Variants in RAP1GDS1 observed in about 807,000 individuals in gnomAD.
RAP1GDS1 encodes the protein Rap1 GTPase-GDP dissociation stimulator 1.
RAP1GDS1 carries 35 observed loss-of-function variants against 71.1 expected under a neutral mutation model. That is an observed-to-expected ratio of 0.49 (90% confidence interval 0.38 to 0.65). RAP1GDS1 has a LOEUF of 0.65. Among genes scored for constraint, RAP1GDS1 ranks in the 30% least tolerant of loss-of-function variants. The pLI is 0.00. For missense variants in RAP1GDS1, 663 were observed against 706.1 expected (o/e 0.94, Z 0.69); for synonymous variants, 229 against 243.1 (o/e 0.94, Z 0.54).
intron 4 of RAP1GDS1, among the ~76,000 whole-genome samples, chr4:98,374,314 T>G (rs542952260): frequency 6.6e-6 from 1 of 152,334 alleles, no homozygotes; most frequent in East Asian, 1.9e-4. Context: ...AATAATTCTT[T>G]GTGTTGCTCC....
At chr4:98,366,831 A>C (rs1404276209) in intron 4 of RAP1GDS1, among the ~76,000 whole-genome samples, 1 of 152,230 alleles carries the variant, frequency 6.6e-6, no homozygotes, top group African/African-American at 2.4e-5. Context: ...TAAGCAGCAA[A>C]GCATTCAAGA....
At chr4:98,383,990 A>G (rs1742376417) in intron 5 of RAP1GDS1, among the ~76,000 whole-genome samples, 1 of 151,600 alleles carries the variant, frequency 6.6e-6, no homozygotes, top group South Asian at 2.1e-4. Context: ...TTAATAATTT[A>G]TATATTTCCT....
At chr4:98,337,927 T>C (rs1166967911) in intron 2 of RAP1GDS1, among the ~76,000 whole-genome samples, 2 of 152,188 alleles carry the variant, frequency 1.3e-5, no homozygotes, top group Non-Finnish European at 2.9e-5. Flanking sequence ...TGTGGAGGAT[T>C]GCTTAAAAAT....
intron 6 of RAP1GDS1, among the ~76,000 whole-genome samples, chr4:98,397,881 A>G (rs1478147136): frequency 6.6e-6 from 1 of 152,190 alleles, no homozygotes; most frequent in Non-Finnish European, 1.5e-5. Flanking sequence ...CTGAATGCCG[A>G]GAACCACAGT....
At chr4:98,318,251 G>A (rs1731235637) in intron 2 of RAP1GDS1, among the ~76,000 whole-genome samples, 1 of 152,120 alleles carries the variant, frequency 6.6e-6, no homozygotes, top group Non-Finnish European at 1.5e-5. Flanking sequence ...ACCTACAAAA[G>A]GATAGAGTAC....
chr4:98,317,314 A>G (rs1434332511), intron 2 of RAP1GDS1, among the ~76,000 whole-genome samples: 1 of 152,184 alleles, frequency 6.6e-6, no homozygotes, highest in Non-Finnish European at 1.5e-5. Context: ...CTCTAGTGCC[A>G]TGATATTTAG....
chr4:98,414,458 T>C (rs1747602741), intron 7 of RAP1GDS1, among the ~76,000 whole-genome samples: 1 of 147,056 alleles, frequency 6.8e-6, no homozygotes, highest in Non-Finnish European at 1.5e-5. Flanking sequence ...CCCAGCACCA[T>C]TTATTAAGTA....
intron 4 of RAP1GDS1, 82 bp from the exon 5 acceptor site, chr4:98,378,935 T>A: frequency 8.0e-7 from 1 of 1,256,286 alleles, no homozygotes; most frequent in Non-Finnish European, 1.1e-6. Flanking sequence ...AAATAAAGAA[T>A]AACACTGTTA....
At chr4:98,307,231 A>C (rs915470013) in intron 2 of RAP1GDS1, among the ~76,000 whole-genome samples, 1 of 151,946 alleles carries the variant, frequency 6.6e-6, no homozygotes, top group African/African-American at 2.4e-5. Flanking sequence ...ATATAATTGC[A>C]TCAGTGTCTG....
chr4:98,325,325 G>A (rs1376120169), intron 2 of RAP1GDS1, among the ~76,000 whole-genome samples: 2 of 151,174 alleles, frequency 1.3e-5, no homozygotes, highest in Admixed American at 6.6e-5. Flanking sequence ...CTGTTGGTGG[G>A]ACTGTAAACT....
chr4:98,426,884 C>G (rs991342245), intron 12 of RAP1GDS1, among the ~76,000 whole-genome samples: 2 of 152,006 alleles, frequency 1.3e-5, no homozygotes, highest in African/African-American at 4.8e-5. Flanking sequence ...CCAATATCAC[C>G]CTAATACCAA....
chr4:98,409,561 G>A (rs1183147882), intron 7 of RAP1GDS1: 2 of 188,488 alleles, frequency 1.1e-5, no homozygotes, highest in Non-Finnish European at 2.2e-5. Context: ...TGTATAATGA[G>A]CATATTAAGC....
intron 6 of RAP1GDS1, among the ~76,000 whole-genome samples, chr4:98,400,673 CTA>C (rs1745278881): frequency 6.6e-6 from 1 of 151,910 alleles, no homozygotes; most frequent in African/African-American, 2.4e-5. Flanking sequence ...TGTAGGATAA[CTA>C]TCGTTGACAA....
intron 11 of RAP1GDS1, 31 bp downstream of exon 11, chr4:98,420,175 T>G: frequency 6.7e-7 from 1 of 1,483,814 alleles, no homozygotes; most frequent in Non-Finnish European, 9.0e-7. Flanking sequence ...AACTTGCATT[T>G]TTCATATGAT....
chr4:98,338,979 AC>A lies in RAP1GDS1; in HGVS notation c.113-4158del, dbSNP rs1441737862. ...GAACTTGAGCCTTTCTCAAGCTATA[AC>A]CTTAAATTATGAGTTCCCTCCCATT... is the stretch of plus-strand genomic sequence containing the variant. On this transcript the variant is annotated intron_variant, in intron 2 of 14. Coordinates refer to ENST00000408927, the MANE Select transcript of RAP1GDS1 (RefSeq NM_001100427.2). 1.5e-3 allele frequency among the ~76,000 whole-genome samples: 234 copies of A among 152,246 alleles called. 1 individual carries two copies. The highest frequency in any genetic ancestry group is 4.9e-3 in the African/African-American group (205 of 41,546).
rs1170033904 is a variant in RAP1GDS1, at chr4:98,442,143, C to T, written c.*26C>T. ...GAACTGCCCGATACACGGCATCATC[C>T]CATCTCTAATTTCCCCTCTGTCCTC... On this transcript the variant is annotated 3_prime_UTR_variant, in exon 15 of 15. Transcript: ENST00000408927. The T allele has an allele frequency of 6.2e-7, 1 of 1,607,376 alleles. No homozygotes were observed. The highest frequency in any genetic ancestry group is 1.3e-5 in the African/African-American group (1 of 74,880).
chr4:98,439,355 T>C (rs1751592235), intron 14 of RAP1GDS1, among the ~76,000 whole-genome samples: 1 of 152,228 alleles, frequency 6.6e-6, no homozygotes, highest in Non-Finnish European at 1.5e-5. Flanking sequence ...TTTCTTTGCG[T>C]TTAGTATTCA....
rs1560833285 is a variant in RAP1GDS1, at chr4:98,322,929, A to T, written c.113-20210A>T. 1.7e-5 allele frequency among the ~76,000 whole-genome samples: 2 copies of T among 115,314 alleles called. 1 individual carries two copies. The highest frequency in any genetic ancestry group is 3.2e-5 in the Non-Finnish European group (2 of 63,186). The allele number at this position is 115,314 out of a possible 152,430, so 75.7% of individuals were successfully genotyped here. A position where few individuals can be genotyped will look rare whatever the true frequency, so the allele number is the denominator to read the frequency against. ...AAGAAATAACTAAAATCAGAGCAGA[A>T]CTGAAGTGAAATAGAGACACAAAAA... On this transcript the variant is annotated intron_variant, in intron 2 of 14. Coordinates refer to ENST00000408927, the MANE Select transcript of RAP1GDS1 (RefSeq NM_001100427.2).
chr4:98,433,461 A>C (rs1750724086), intron 12 of RAP1GDS1, among the ~76,000 whole-genome samples: 1 of 151,886 alleles, frequency 6.6e-6, no homozygotes, highest in Admixed American at 6.6e-5. Context: ...TGACTGGCTA[A>C]TTTTTTTATT....
Sources: allele counts gnomAD v4.1 joint callset (sites outside exome capture counted in the v4.1 genomes callset), GRCh38; gene constraint gnomAD v4.1.1; transcripts MANE v1.5; gene names NCBI Gene and HGNC (gene_info 2026-07-23, HGNC 2026-07-21).